Variants in MGST1 observed in about 807,000 individuals in gnomAD.
The protein encoded by MGST1 is glutathione S-transferase 12.
A neutral mutation model predicts 8.9 loss-of-function variants in MGST1; 5 were observed. The ratio of observed to expected loss-of-function variants is 0.56; its 90% confidence interval spans 0.29 to 1.19. MGST1 has a LOEUF of 1.19. Among genes scored for constraint, MGST1 ranks in the 50% most tolerant of loss-of-function variants. The probability of loss-of-function intolerance (pLI) is 0.08; values close to 1 mark genes in which losing one functional copy is unlikely to be tolerated. For missense variants in MGST1, 182 were observed against 187.4 expected, an observed-to-expected ratio of 0.97 and a Z score of 0.17; for synonymous variants, 54 against 67.8, an observed-to-expected ratio of 0.80 and a Z score of 1.00.
At chr12:16,359,603 CG>C (rs1275317221) in intron 3 of MGST1, among the ~76,000 whole-genome samples, 2 of 151,112 alleles carry the variant, frequency 1.3e-5, no homozygotes, top group Non-Finnish European at 2.9e-5. Flanking sequence ...ATGTGTTAGA[CG>C]AAAAAAAATA....
intron 4 of MGST1, among the ~76,000 whole-genome samples, chr12:16,486,151 C>G (rs1248531784): frequency 6.6e-6 from 1 of 152,180 alleles, no homozygotes; most frequent in Non-Finnish European, 1.5e-5. Context: ...AAAATTACAT[C>G]CCTATTCCCA....
At chr12:16,435,992 T>TACAG (rs1940982361) in intron 1 of MGST1, among the ~76,000 whole-genome samples, 1 of 149,276 alleles carries the variant, frequency 6.7e-6, no homozygotes, top group Admixed American at 6.7e-5. Context: ...CTGCTGCAAA[T>TACAG]ACACACACAC....
chr12:16,589,874 G>A (rs1313784670), downstream of MGST1, among the ~76,000 whole-genome samples: 1 of 152,058 alleles, frequency 6.6e-6, no homozygotes, highest in Non-Finnish European at 1.5e-5. The surrounding 1 kb of genome is among the most constrained non-coding windows in gnomAD (Gnocchi z 4.2). Context: ...ACCACAGTAG[G>A]AATTAAGCCT....
At chr12:16,412,379 A>T (rs1163539937) in intron 1 of MGST1, among the ~76,000 whole-genome samples, 1 of 152,098 alleles carries the variant, frequency 6.6e-6, no homozygotes, top group Non-Finnish European at 1.5e-5. Context: ...TGAGCTATTA[A>T]TTTTTTTCCT....
chr12:16,353,559 A>G (rs1244080865), intron 1 of MGST1: 1 of 152,064 alleles, frequency 6.6e-6, no homozygotes, highest in Non-Finnish European at 1.5e-5. Context: ...GTTTCCAAAG[A>G]GATCAGTCTA....
rs545933707 is a variant in MGST1, at chr12:16,358,597, G to C, written c.221+898G>C. ...TTCTCCTGCCTCAGCCTCCTGAGTA[G>C]CTGGGACTACAGGCATGTGCCACCA... On this transcript the variant is annotated intron_variant, in intron 3 of 3. Coordinates refer to ENST00000396210, the MANE Select transcript of MGST1 (RefSeq NM_020300.5). Among the ~76,000 whole-genome samples, 105 of 151,704 alleles carry C rather than the reference G, an allele frequency of 6.9e-4. 2 individuals are homozygous for C. The highest frequency in any genetic ancestry group is 2.4e-3 in the African/African-American group (101 of 41,340).
intron 4 of MGST1, among the ~76,000 whole-genome samples, chr12:16,539,364 G>C (rs1347297852): frequency 1.3e-5 from 2 of 151,978 alleles, no homozygotes; most frequent in Non-Finnish European, 2.9e-5. Context: ...TTACCACCCA[G>C]GTACACAAAT....
At chr12:16,491,856 A>G (rs1039743642) in intron 4 of MGST1, among the ~76,000 whole-genome samples, 3 of 152,104 alleles carry the variant, frequency 2.0e-5, no homozygotes, top group Non-Finnish European at 4.4e-5. Context: ...CCCGTTTCTA[A>G]TATTTTGAAA....
chr12:16,562,845 C>T (rs1430450666), intron 4 of MGST1, among the ~76,000 whole-genome samples: 1 of 152,208 alleles, frequency 6.6e-6, no homozygotes, highest in Non-Finnish European at 1.5e-5. Context: ...GCTGCCCGTA[C>T]GGCGCACTGC....
rs1470164747 is a variant in MGST1, at chr12:16,537,623, C to T, written n.483-51905C>T. Among the ~76,000 whole-genome samples, 1 of 152,334 alleles carries T rather than the reference C, an allele frequency of 6.6e-6. No individual in the cohort carries two copies. The highest frequency in any genetic ancestry group is 2.1e-4 in the South Asian group (1 of 4,828). On this transcript the variant is annotated intron_variant and non_coding_transcript_variant, in intron 4 of 4. Coordinates refer to the MGST1 transcript ENST00000538857. The surrounding 1 kb of genome is among the most constrained non-coding windows in gnomAD (Gnocchi z 4.6). ...ATACATTGAAATCTAGGTGGAGGTTCCCAAACCTCAATTCTTGACTTCTGT... is the reference window on the plus strand; with the variant it reads ...ATACATTGAAATCTAGGTGGAGGTTTCCAAACCTCAATTCTTGACTTCTGT...
intron 4 of MGST1, among the ~76,000 whole-genome samples, chr12:16,466,274 T>C (rs1020963042): frequency 5.3e-5 from 8 of 152,196 alleles, no homozygotes; most frequent in Non-Finnish European, 7.3e-5. Flanking sequence ...AGAGAAGGAA[T>C]GAATTTGTGA....
intron 1 of MGST1, among the ~76,000 whole-genome samples, chr12:16,408,386 A>T (rs1248038306): frequency 6.6e-6 from 1 of 152,190 alleles, no homozygotes; most frequent in Non-Finnish European, 1.5e-5. Context: ...AATTTTTTTT[A>T]AACTGTCTTT....
chr12:16,578,967 T>C (rs1406636941), intron 4 of MGST1, among the ~76,000 whole-genome samples: 1 of 152,226 alleles, frequency 6.6e-6, no homozygotes, highest in Non-Finnish European at 1.5e-5. Context: ...TTTATTCTAA[T>C]GAAGTATATT....
At chr12:16,476,435 C>A (rs1941323879) in intron 4 of MGST1, among the ~76,000 whole-genome samples, 1 of 152,150 alleles carries the variant, frequency 6.6e-6, no homozygotes, top group East Asian at 1.9e-4. Context: ...TAATATACTG[C>A]AACCTTCTCT....
intron 4 of MGST1, among the ~76,000 whole-genome samples, chr12:16,580,312 A>C (rs527324280): frequency 6.6e-6 from 1 of 152,260 alleles, no homozygotes; most frequent in South Asian, 2.1e-4. Flanking sequence ...TTTTACTGGG[A>C]GCACTAGGAA....
chr12:16,425,475 G>A (rs1591724286), intron 1 of MGST1, among the ~76,000 whole-genome samples: 1 of 152,016 alleles, frequency 6.6e-6, no homozygotes, highest in South Asian at 2.1e-4. Context: ...GTAGAGACAG[G>A]GTTTCTCCAT....
chr12:16,541,037 A>G (rs1006858098), intron 4 of MGST1, among the ~76,000 whole-genome samples: 4 of 152,224 alleles, frequency 2.6e-5, no homozygotes, highest in Non-Finnish European at 5.9e-5. Context: ...TAATACACAC[A>G]TATATTAGGG....
At chr12:16,430,223 G>A (rs757707821) in intron 1 of MGST1, among the ~76,000 whole-genome samples, 4 of 152,056 alleles carry the variant, frequency 2.6e-5, no homozygotes, top group Non-Finnish European at 5.9e-5. Context: ...CAAATCTGTC[G>A]TTGCCTCCTC....
intron 1 of MGST1, among the ~76,000 whole-genome samples, chr12:16,349,625 C>T (rs1358154592): frequency 3.9e-5 from 6 of 152,130 alleles, no homozygotes; most frequent in East Asian, 1.9e-4. Context: ...TCGGGTCAAG[C>T]GAGATAAAAT....
Sources: allele counts gnomAD v4.1 joint callset (sites outside exome capture counted in the v4.1 genomes callset), GRCh38; gene constraint gnomAD v4.1.1; non-coding constraint Gnocchi (gnomAD v3.1); transcripts MANE v1.5; gene names NCBI Gene and HGNC (gene_info 2026-07-23, HGNC 2026-07-21).